Variants in KIAA2012 observed in about 807,000 individuals in gnomAD.
The protein encoded by KIAA2012 is uncharacterized protein KIAA2012.
In KIAA2012, 125 loss-of-function variants were observed where a neutral mutation model predicts 150.6. That is an observed-to-expected ratio of 0.83 (90% CI 0.72 to 0.96). KIAA2012 has a LOEUF of 0.96. Among genes scored for constraint, KIAA2012 ranks in the 40% least tolerant of loss-of-function variants. The pLI is 0.00. For missense variants in KIAA2012, 1,219 were observed against 1,354.9 expected (o/e 0.90, Z 1.57); for synonymous variants, 462 against 504.7 (o/e 0.92, Z 1.13).
rs557474388 is a variant in KIAA2012, at chr2:202,104,274, G to T, written c.1324+1160G>T. Reference sequence around the variant, plus strand: ...TTACCTTGCCAAAAAAAATTACTCAGCTCCCTAAAAAAAATAATAATAATA... The same window carrying T: ...TTACCTTGCCAAAAAAAATTACTCATCTCCCTAAAAAAAATAATAATAATA... On this transcript the variant is annotated intron_variant, in intron 8 of 23. Coordinates refer to ENST00000498697, the MANE Select transcript of KIAA2012 (RefSeq NM_001277372.4). This position sits in a 1 kb window ranked among gnomAD's most constrained non-coding sequence, Gnocchi z 4.3. Among the ~76,000 whole-genome samples, 1 of 152,150 alleles carries T rather than the reference G, an allele frequency of 6.6e-6. No homozygotes were observed. The highest frequency in any genetic ancestry group is 1.9e-4 in the East Asian group (1 of 5,192).
intron 13 of KIAA2012, among the ~76,000 whole-genome samples, chr2:202,142,368 T>C (rs1426463545): frequency 6.6e-6 from 1 of 152,218 alleles, no homozygotes; most frequent in Non-Finnish European, 1.5e-5. Flanking sequence ...TCCGGGAATT[T>C]ATCCTAAGGA....
intron 2 of KIAA2012, among the ~76,000 whole-genome samples, chr2:202,079,871 A>C (rs12472696): frequency 0.15 from 23,314 of 152,218 alleles, 2,058 homozygotes; most frequent in South Asian, 0.26. Flanking sequence ...GGATAAATAC[A>C]AACAATGTGA....
At chr2:202,186,882 T>C in intron 16 of KIAA2012, 51 bp from the exon 17 acceptor site, 2 of 1,531,568 alleles carry the variant, frequency 1.3e-6, no homozygotes, top group Admixed American at 2.0e-5. Context: ...CCTCTTTCTT[T>C]CCACCAGAGT....
intron 13 of KIAA2012, among the ~76,000 whole-genome samples, chr2:202,143,075 A>ATTTTTTTTTTTTTTTTTTTTTTTTTTTT (rs59488285): frequency 8.0e-6 from 1 of 124,988 alleles, no homozygotes. Context: ...CACTGGTTTA[A>ATTTTTTTTTTTTTTTTTTTTTTTTTTTT]TTTTTTTTTT....
intron 2 of KIAA2012, among the ~76,000 whole-genome samples, chr2:202,080,539 C>T (rs926358711): frequency 3.3e-5 from 5 of 151,736 alleles, no homozygotes; most frequent in African/African-American, 1.2e-4. Context: ...ACTAAAAATA[C>T]AAAAAAATTA....
rs202192399 is a variant in KIAA2012 at position 202,196,980 on chromosome 2, C to T, written c.3368C>T (p.Ala1123Val). The change falls in exon 22 of 24, where the codon GCT (alanine) becomes GTT (valine). Residue 1123 changes from alanine to valine, a missense_variant. By Grantham distance (64) the Ala-to-Val change is moderately conservative. Transcript: ENST00000498697. ...AAAGAAGAGGAAGCAGCAAGACTGG[C>T]TCTGGAAGAAGCCACGAAACAAGCC... ...RQKEEEAARL[A>V]LEEATKQAQE... The T allele has an allele frequency of 1.8e-4, 281 of 1,550,612 alleles. 3 individuals are homozygous for T. The South Asian group carries it at 3.1e-3, about 17-fold the overall frequency.
chr2:202,085,184 G>A (rs1300755313), intron 2 of KIAA2012, among the ~76,000 whole-genome samples: 2 of 152,142 alleles, frequency 1.3e-5, no homozygotes, highest in Non-Finnish European at 2.9e-5. Flanking sequence ...GTTATTAAAA[G>A]AAACCAGGAA....
chr2:202,133,130 A>ATATATATTTTTTTTTTTTTTTTTTTT (rs1279080237), intron 12 of KIAA2012, among the ~76,000 whole-genome samples: 1 of 67,780 alleles, frequency 1.5e-5, no homozygotes, highest in Non-Finnish European at 2.9e-5. Flanking sequence ...ATATATATAT[A>ATATATATTTTTTTTTTTTTTTTTTTT]TTTTTTTTTT....
At chr2:202,129,498 G>A (rs934604435) in intron 12 of KIAA2012, among the ~76,000 whole-genome samples, 2 of 152,136 alleles carry the variant, frequency 1.3e-5, no homozygotes, top group African/African-American at 4.8e-5. Flanking sequence ...GGGATTACAG[G>A]CATGAGCCAC....
Position 202,090,815 on chromosome 2 carries a change from C to T in KIAA2012, c.415C>T (p.Gln139Ter). Residue 139 changes from glutamine to a stop codon, truncating the protein, a stop_gained, in exon 3 of 24, where the codon CAG becomes TAG. Transcript: ENST00000498697. LOFTEE classifies it high-confidence loss of function. The stretch of plus-strand genomic sequence containing the variant: ...GCAACCATACCTCCACTTCCGAAGC[C>T]AGCTGGAGAGCCAGGCCCAACGGCA... ...AWQPYLHFRS[Q>*]LESQAQRQIQ... is the part of the protein sequence containing the mutation. The T allele has an allele frequency of 1.3e-6, 2 of 1,550,596 alleles. No homozygotes were observed. Among genetic ancestry groups the T allele is most frequent in the Non-Finnish European group, 1.7e-6 (2 of 1,146,982 alleles).
chr2:202,186,282 G>C (rs1351452505), intron 16 of KIAA2012, among the ~76,000 whole-genome samples: 4 of 152,158 alleles, frequency 2.6e-5, no homozygotes, highest in Non-Finnish European at 5.9e-5. Context: ...GGAGGCTGAG[G>C]CTGGTGGATC....
intron 13 of KIAA2012, among the ~76,000 whole-genome samples, 156 bp downstream of exon 13, chr2:202,138,664 G>A (rs1691134930): frequency 6.6e-6 from 1 of 152,126 alleles, no homozygotes; most frequent in Non-Finnish European, 1.5e-5. Context: ...AAATCACAGA[G>A]GTTCCTTTAC....
intron 12 of KIAA2012, among the ~76,000 whole-genome samples, chr2:202,135,404 TCAGTTTCTTTGACTTGATAA>T (rs1420682192): frequency 6.6e-6 from 1 of 152,358 alleles, no homozygotes; most frequent in African/African-American, 2.4e-5. Flanking sequence ...GATGGGTTAA[TCAGTTTCTTTGACTTGATAA>T]CAGTTTCTTT....
intron 18 of KIAA2012, 83 bp downstream of exon 18, chr2:202,188,349 C>T: frequency 9.2e-7 from 1 of 1,083,786 alleles, no homozygotes; most frequent in South Asian, 1.6e-5. Flanking sequence ...TAGCATGGAT[C>T]CTACCGGACA....
intron 14 of KIAA2012, among the ~76,000 whole-genome samples, chr2:202,158,880 C>T (rs1691592313): frequency 2.0e-5 from 3 of 152,046 alleles, no homozygotes; most frequent in Admixed American, 2.0e-4. Flanking sequence ...AATTGAATAT[C>T]CTTATACTCC....
intron 19 of KIAA2012, 141 bp from the exon 20 acceptor site, chr2:202,193,160 T>G (rs1025229276): frequency 1.3e-6 from 1 of 775,448 alleles, no homozygotes; most frequent in African/African-American, 1.8e-5. Context: ...GGTGGCTGAG[T>G]CTATGCAGCT....
At chr2:202,155,748 C>T (rs1248763893) in intron 14 of KIAA2012, among the ~76,000 whole-genome samples, 1 of 152,180 alleles carries the variant, frequency 6.6e-6, no homozygotes, top group East Asian at 1.9e-4. Context: ...GGTCACCCTC[C>T]GAATTCCCTG....
At chr2:202,121,632 C>G in intron 11 of KIAA2012, among the ~76,000 whole-genome samples, 1 of 152,168 alleles carries the variant, frequency 6.6e-6, no homozygotes, top group East Asian at 1.9e-4. Context: ...AATCACATAT[C>G]ATAGGTAAGG....
chr2:202,176,226 G>T (rs923336885), intron 15 of KIAA2012, among the ~76,000 whole-genome samples: 20 of 149,738 alleles, frequency 1.3e-4, no homozygotes, highest in Admixed American at 5.3e-4. Context: ...TTGGGACGGA[G>T]TCTCGCTCTA....
Sources: gnomAD v4.1 joint callset for allele counts (sites outside exome capture counted in the v4.1 genomes callset) on GRCh38, gnomAD v4.1.1 for gene constraint, Gnocchi (gnomAD v3.1) non-coding constraint, MANE v1.5 for transcripts, NCBI Gene and HGNC (gene_info 2026-07-23, HGNC 2026-07-21) for gene names.